The following TSHR variants were observed in gnomAD, a reference collection of about 807,000 sequenced individuals.
The protein encoded by TSHR is thyroid stimulating hormone receptor.
A neutral mutation model predicts 64.1 loss-of-function variants in TSHR; 51 were observed. The observed-to-expected ratio is 0.80, with a 90% CI of 0.64 to 1.01. TSHR has a LOEUF of 1.01. TSHR is among the 50% of genes least tolerant of loss of function. The pLI is 0.00. For synonymous variants in TSHR, 361 were observed against 361.9 expected (o/e 1.00, Z 0.03); for missense variants, 877 against 942.8 (o/e 0.93, Z 0.91).
chr14:80,980,313 T>C (rs2139719737), intron 1 of TSHR, among the ~76,000 whole-genome samples: 1 of 152,320 alleles, frequency 6.6e-6, no homozygotes, highest in South Asian at 2.1e-4. Context: ...GATAACTATG[T>C]GCTACCATCA....
intron 1 of TSHR, chr14:81,050,282 G>A (rs1004035828): frequency 1.3e-5 from 2 of 152,142 alleles, no homozygotes; most frequent in African/African-American, 4.8e-5. Context: ...TTAAATCAGT[G>A]TTCAGACCTT....
At chr14:81,012,388 C>T (rs1180193573) in intron 1 of TSHR, 4 of 151,612 alleles carry the variant, frequency 2.6e-5, no homozygotes, top group African/African-American at 9.7e-5. Context: ...GTGAATAATG[C>T]CGCAATAAAC....
At chr14:81,110,648 A>T (rs1345527839) in intron 8 of TSHR, among the ~76,000 whole-genome samples, 3 of 152,272 alleles carry the variant, frequency 2.0e-5, no homozygotes, top group Non-Finnish European at 4.4e-5. Context: ...AAACACCTCC[A>T]GATCACCTTG....
chr14:80,968,069 T>C (rs1263020680), intron 1 of TSHR, among the ~76,000 whole-genome samples: 2 of 152,150 alleles, frequency 1.3e-5, no homozygotes, highest in African/African-American at 4.8e-5. Context: ...TTCCTGTGCC[T>C]GGGTGATGAA....
At chr14:81,093,821 T>A (rs1382327981) in intron 6 of TSHR, 1 of 152,208 alleles carries the variant, frequency 6.6e-6, no homozygotes, top group Non-Finnish European at 1.5e-5. Flanking sequence ...CCTGCTCAGC[T>A]CCAAACTTCA....
At chr14:81,058,338 C>A (rs1471801694) in intron 1 of TSHR, among the ~76,000 whole-genome samples, 1 of 152,188 alleles carries the variant, frequency 6.6e-6, no homozygotes, top group Non-Finnish European at 1.5e-5. Context: ...TTAAAGAAAT[C>A]ACAGCAAAAC....
At chr14:81,030,154 C>A (rs1418731496) in intron 1 of TSHR, among the ~76,000 whole-genome samples, 1 of 152,130 alleles carries the variant, frequency 6.6e-6, no homozygotes, top group East Asian at 1.9e-4. Flanking sequence ...AACAAGGTCA[C>A]TAGTGTTCCA....
chr14:81,023,428 G>A (rs10138961), intron 1 of TSHR, among the ~76,000 whole-genome samples: 9,469 of 152,180 alleles, frequency 0.062, 961 homozygotes, highest in African/African-American at 0.22. Flanking sequence ...CTTACATAGT[G>A]TTGATAATCC....
chr14:81,010,528 T>C (rs1368388226), intron 1 of TSHR, among the ~76,000 whole-genome samples: 1 of 152,100 alleles, frequency 6.6e-6, no homozygotes, highest in Non-Finnish European at 1.5e-5. Flanking sequence ...TTCTAAATGA[T>C]TTTTTGCTGG....
intron 1 of TSHR, among the ~76,000 whole-genome samples, chr14:80,968,800 C>T (rs1245500048): frequency 6.6e-6 from 1 of 152,208 alleles, no homozygotes; most frequent in African/African-American, 2.4e-5. Flanking sequence ...GCTGCCCTAG[C>T]TTCTCATGGT....
At chr14:81,006,071 T>C (rs191625613) in intron 1 of TSHR, among the ~76,000 whole-genome samples, 8 of 152,338 alleles carry the variant, frequency 5.3e-5, no homozygotes, top group Admixed American at 5.2e-4. Context: ...TCATGTATTA[T>C]CTTACCTTGC....
At chr14:81,089,137 A>G (rs986787200) in intron 4 of TSHR, among the ~76,000 whole-genome samples, 50 of 135,442 alleles carry the variant, frequency 3.7e-4, no homozygotes, top group African/African-American at 1.4e-3. Context: ...ACAGGTGTGC[A>G]CCACCATGCC....
At chr14:81,042,917 T>G (rs1050810145) in intron 1 of TSHR, among the ~76,000 whole-genome samples, 1 of 152,086 alleles carries the variant, frequency 6.6e-6, no homozygotes, top group African/African-American at 2.4e-5. Flanking sequence ...ATATGTACAA[T>G]TATAATGTGT....
chr14:80,970,943 C>A (rs1017909093), intron 1 of TSHR, among the ~76,000 whole-genome samples: 12 of 152,098 alleles, frequency 7.9e-5, no homozygotes, highest in African/African-American at 2.9e-4. Flanking sequence ...CAAGCAATTA[C>A]CCTGCCTCAG....
chr14:80,969,822 C>G (rs996795796), intron 1 of TSHR, among the ~76,000 whole-genome samples: 2 of 152,158 alleles, frequency 1.3e-5, no homozygotes, highest in African/African-American at 4.8e-5. Flanking sequence ...AGAATTTGTT[C>G]CCACCCCCAT....
intron 8 of TSHR, among the ~76,000 whole-genome samples, chr14:81,123,300 TTTG>T (rs1387083435): frequency 2.6e-5 from 4 of 152,174 alleles, no homozygotes; most frequent in African/African-American, 9.7e-5. Context: ...TGAAAATGAA[TTTG>T]TTAACTAATC....
At chr14:81,073,437 A>G (rs1887264361) in intron 3 of TSHR, among the ~76,000 whole-genome samples, 1 of 152,118 alleles carries the variant, frequency 6.6e-6, no homozygotes, top group African/African-American at 2.4e-5. Flanking sequence ...CTTTTCAAAG[A>G]CACATGGAAC....
intron 1 of TSHR, chr14:81,033,350 A>C: frequency 3.4e-6 from 1 of 295,588 alleles, no homozygotes; most frequent in Non-Finnish European, 6.7e-6. Context: ...ACAGCTCCGA[A>C]AGTGAATGAC....
At position 81,146,048 on chromosome 14, in the gene TSHR, T is replaced by C. The variant is rs112187344; in HGVS notation, c.*1695T>C. The C allele has an allele frequency of 3.0e-3, 686 of 231,216 alleles. 10 individuals carry two copies. The highest frequency in any genetic ancestry group is 4.2e-3 in the Non-Finnish European group (486 of 116,786). 14.3% of individuals were successfully genotyped at this position (231,216 alleles called of 1,614,324 possible). ...CCTGCACATCTTAATAGAAATATTA[T>C]AAACATCGAAAATCATGACTTACCT... On this transcript the variant is annotated 3_prime_UTR_variant, in exon 10 of 10. Coordinates refer to ENST00000298171, the MANE Select transcript of TSHR (RefSeq NM_000369.5).
Sources: allele counts gnomAD v4.1 joint callset (sites outside exome capture counted in the v4.1 genomes callset), GRCh38; gene constraint gnomAD v4.1.1; transcripts MANE v1.5; gene names NCBI Gene and HGNC (gene_info 2026-07-23, HGNC 2026-07-21).